MAP3K7: variants seen among roughly 807,000 people sequenced by gnomAD.
The protein encoded by MAP3K7 is TGF-beta activated kinase 1.
MAP3K7 carries 21 observed loss-of-function variants against 84.8 expected under a neutral mutation model. The observed-to-expected ratio is 0.25, with a 90% confidence interval of 0.18 to 0.36. The LOEUF (loss-of-function observed/expected upper bound fraction) is 0.36, where lower values mean the gene tolerates loss of function less well. MAP3K7 is among the 10% of genes least tolerant of loss of function. MAP3K7 has a pLI of 1.00. For synonymous variants in MAP3K7, 241 were observed against 247.7 expected (o/e 0.97, Z 0.25); for missense variants, 503 against 747.7 (o/e 0.67, Z 3.82).
At chr6:90,577,310 GT>G (rs1202725726) in intron 1 of MAP3K7, among the ~76,000 whole-genome samples, 1 of 152,182 alleles carries the variant, frequency 6.6e-6, no homozygotes, top group Non-Finnish European at 1.5e-5. Context: ...ATAACTCAGA[GT>G]TTGGTTTTAG....
At chr6:90,577,845 A>G (rs1310614595) in intron 1 of MAP3K7, among the ~76,000 whole-genome samples, 4 of 152,218 alleles carry the variant, frequency 2.6e-5, no homozygotes, top group Admixed American at 6.5e-5. Flanking sequence ...GGTAGTTTCA[A>G]TGTTTGAAAA....
intron 13 of MAP3K7, among the ~76,000 whole-genome samples, chr6:90,533,372 G>A (rs1775567907): frequency 6.6e-6 from 1 of 152,174 alleles, no homozygotes; most frequent in African/African-American, 2.4e-5. Context: ...TGCTTACCAT[G>A]GGGCAGCATG....
chr6:90,530,667 TAA>T (rs1775479123), intron 13 of MAP3K7, among the ~76,000 whole-genome samples: 1 of 152,070 alleles, frequency 6.6e-6, no homozygotes, highest in Non-Finnish European at 1.5e-5. Flanking sequence ...TCTCAATAAA[TAA>T]AAATATGCTA....
chr6:90,564,104 T>TGC (rs1404647296), intron 3 of MAP3K7, among the ~76,000 whole-genome samples: 20 of 152,138 alleles, frequency 1.3e-4, no homozygotes, highest in Non-Finnish European at 2.8e-4. Context: ...GTACCAGCCA[T>TGC]TGCAAAAACA....
At chr6:90,550,012 T>A (rs1198848506) in intron 9 of MAP3K7, among the ~76,000 whole-genome samples, 1 of 152,196 alleles carries the variant, frequency 6.6e-6, no homozygotes. Context: ...ACAAATTACA[T>A]GTCCCACTAC....
At chr6:90,579,817 G>A (rs1388442084) in intron 1 of MAP3K7, among the ~76,000 whole-genome samples, 3 of 152,120 alleles carry the variant, frequency 2.0e-5, no homozygotes, top group East Asian at 3.9e-4. Context: ...CATACACACT[G>A]AAAACTGAGT....
chr6:90,575,886 T>C lies in MAP3K7; in HGVS notation c.121-4079A>G, dbSNP rs555554889. ...AGTGTGTACTACATCCAGCTACTGTTTGGGACATCAGAAATACAGAAAGAA... is the reference window on the plus strand; with the variant it reads ...AGTGTGTACTACATCCAGCTACTGTCTGGGACATCAGAAATACAGAAAGAA... On this transcript the variant is annotated intron_variant, in intron 1 of 16. Coordinates refer to ENST00000369329, the MANE Select transcript of MAP3K7 (RefSeq NM_145331.3). Among the ~76,000 whole-genome samples, 22 of 152,096 alleles carry C rather than the reference T, an allele frequency of 1.4e-4. No individual in the cohort carries two copies. The East Asian group carries it at 4.3e-3, about 30-fold the overall frequency.
intron 11 of MAP3K7, among the ~76,000 whole-genome samples, chr6:90,544,880 A>G (rs1775956339): frequency 6.6e-6 from 1 of 152,072 alleles, no homozygotes; most frequent in African/African-American, 2.4e-5. Context: ...AAAAGAACAG[A>G]GACAAAGCTG....
rs749145408 is a variant in MAP3K7 at position 90,548,103 on chromosome 6, T to C, written c.1024A>G (p.Asn342Asp). The C allele has an allele frequency of 5.0e-6, 8 of 1,612,412 alleles. No individual in the cohort carries two copies. Among genetic ancestry groups the C allele is most frequent in the South Asian group, 3.3e-5 (3 of 90,956 alleles). ...GATTCTAAGCGCTTAATAGTATCAT[T>C]TGTGGCAGGAACTTGCTCCATATTA... ...DTNMEQVPAT[N>D]DTIKRLESKL... is the part of the protein sequence containing the mutation. Residue 342 changes from asparagine to aspartate, a missense_variant, in exon 10 of 17, where the codon AAT (asparagine) becomes GAT (aspartate). By Grantham distance (23) the Asn-to-Asp change is conservative. Around this residue, in one of 5 missense-constraint regions of MAP3K7, gnomAD observed 286 missense variants for 313.6 expected, o/e 0.91. Transcript: ENST00000369329.
At chr6:90,536,580 A>C in intron 12 of MAP3K7, 179 bp from the exon 13 acceptor site, 4 of 570,180 alleles carry the variant, frequency 7.0e-6, no homozygotes, top group South Asian at 6.3e-5. Context: ...GATGTAAAGA[A>C]AGGAAGAGAA....
At position 90,548,114 on chromosome 6, in the gene MAP3K7, A is replaced by C. The variant is rs890285458; in HGVS notation, c.1013T>G (p.Val338Gly). ...SNKSDTNMEQVPATNDTIKRL... is the reference protein window; with the variant it reads ...SNKSDTNMEQGPATNDTIKRL... ...CTTAATAGTATCATTTGTGGCAGGA[A>C]CTTGCTCCATATTAGTGTCACTTTT... Residue 338 changes from valine (V) to glycine (G), a missense_variant, in exon 10 of 17, where the codon GTT becomes GGT. This residue lies in a region of MAP3K7 where 286 missense variants were observed against 313.6 expected (regional missense o/e 0.91). Transcript: ENST00000369329. The C allele has an allele frequency of 1.9e-6, 3 of 1,612,388 alleles. No homozygotes were observed. The highest frequency in any genetic ancestry group is 2.5e-6 in the Non-Finnish European group (3 of 1,179,052).
chr6:90,584,107 T>A (rs900913142), intron 1 of MAP3K7, among the ~76,000 whole-genome samples: 1 of 152,200 alleles, frequency 6.6e-6, no homozygotes, highest in Non-Finnish European at 1.5e-5. Flanking sequence ...CATTGAGAAA[T>A]ACATGATTTT....
intron 4 of MAP3K7, among the ~76,000 whole-genome samples, chr6:90,560,504 G>C (rs898314743): frequency 6.6e-6 from 1 of 152,166 alleles, no homozygotes; most frequent in Non-Finnish European, 1.5e-5. Flanking sequence ...TGGGACTACA[G>C]GCGTGTGCCA....
chr6:90,574,566 T>C (rs1777010798), intron 1 of MAP3K7, among the ~76,000 whole-genome samples: 1 of 152,232 alleles, frequency 6.6e-6, no homozygotes, highest in African/African-American at 2.4e-5. Flanking sequence ...ATGAAGTAAT[T>C]TATTCTTCAA....
At chr6:90,535,471 T>C (rs1194581268) in intron 13 of MAP3K7, among the ~76,000 whole-genome samples, 1 of 151,964 alleles carries the variant, frequency 6.6e-6, no homozygotes, top group Non-Finnish European at 1.5e-5. Context: ...TGTAACAATT[T>C]CATTACTTAA....
intron 7 of MAP3K7, among the ~76,000 whole-genome samples, chr6:90,552,738 G>A (rs145053742): frequency 6.6e-6 from 1 of 152,254 alleles, no homozygotes; most frequent in African/African-American, 2.4e-5. Context: ...CTAATGAAGA[G>A]GATGCATTCT....
intron 3 of MAP3K7, among the ~76,000 whole-genome samples, chr6:90,566,891 C>G (rs1180268865): frequency 3.3e-5 from 5 of 152,000 alleles, no homozygotes; most frequent in Non-Finnish European, 5.9e-5. Context: ...CAGAACAGAG[C>G]CCTCAGAAAT....
intron 14 of MAP3K7, among the ~76,000 whole-genome samples, chr6:90,521,544 C>T (rs977545042): frequency 6.6e-6 from 1 of 152,052 alleles, no homozygotes; most frequent in Non-Finnish European, 1.5e-5. Context: ...TTACAACTAT[C>T]AAAACACTCA....
intron 9 of MAP3K7, among the ~76,000 whole-genome samples, chr6:90,549,883 A>C (rs1282073269): frequency 6.6e-6 from 1 of 152,222 alleles, no homozygotes; most frequent in Non-Finnish European, 1.5e-5. Context: ...ACATGTGCAT[A>C]TAGACACACA....
Sources: allele counts gnomAD v4.1 joint callset (sites outside exome capture counted in the v4.1 genomes callset), GRCh38; gene constraint gnomAD v4.1.1; regional missense constraint gnomAD v4.1.1; transcripts MANE v1.5; gene names NCBI Gene and HGNC (gene_info 2026-07-23, HGNC 2026-07-21).